FGFR1OP2: variants seen among roughly 807,000 people sequenced by gnomAD.
FGFR1OP2 encodes fibroblast growth factor receptor 1 oncogene partner 2.
In FGFR1OP2, 17 loss-of-function variants were observed where a neutral mutation model predicts 35.2. The observed-to-expected ratio is 0.48, with a 90% CI of 0.33 to 0.73. The LOEUF (loss-of-function observed/expected upper bound fraction) is 0.73. FGFR1OP2 is among the 30% of genes least tolerant of loss of function. The probability of loss-of-function intolerance (pLI) is 0.02; values close to 1 mark genes in which losing one functional copy is unlikely to be tolerated. For missense variants in FGFR1OP2, 251 were observed against 307.3 expected (o/e 0.82, Z 1.37); for synonymous variants, 105 against 104.6 (o/e 1.00, Z -0.03).
Position 26,952,988 on chromosome 12 carries a change from C to A in FGFR1OP2, c.-14-1157C>A, listed in dbSNP as rs533859554. 5.3e-5 allele frequency among the ~76,000 whole-genome samples: 8 copies of A among 152,072 alleles called. 1 individual carries two copies. The South Asian group carries it at 1.7e-3, about 32-fold the overall frequency. ...AGAAAGATAAAAGATTTCAGCTGGG[C>A]ACGGTGGCTCACACGTGTAATCCCA... is the stretch of plus-strand genomic sequence containing the variant. On this transcript the variant is annotated intron_variant, in intron 1 of 6. Transcript: ENST00000229395.
chr12:26,961,222 ACTT>A (rs1338082635), intron 5 of FGFR1OP2: 1 of 152,182 alleles, frequency 6.6e-6, no homozygotes, highest in African/African-American at 2.4e-5. Context: ...TGTTGGTGAC[ACTT>A]CTTGTCTTCC....
intron 1 of FGFR1OP2, among the ~76,000 whole-genome samples, chr12:26,948,908 C>T (rs1427949844): frequency 6.6e-6 from 1 of 152,054 alleles, no homozygotes; most frequent in East Asian, 1.9e-4. Flanking sequence ...GGCATGGTGG[C>T]ATGCACCTAT....
rs5797206 is a variant in FGFR1OP2 at position 26,956,479 on chromosome 12, C to CATATAT, written c.136-47_136-42dup. 5.2e-3 allele frequency: 1,265 copies of CATATAT among 241,986 alleles called. 5 individuals are homozygous for CATATAT. Among genetic ancestry groups the CATATAT allele is most frequent in the Admixed American group, 0.019 (312 of 16,344 alleles). The allele number at this position is 241,986 out of a possible 1,614,324, so 15.0% of individuals were successfully genotyped here. ...TTCAGATATATTTATATTTATATAT[C>CATATAT]ATATATATATATATATATATATTTG... is the stretch of plus-strand genomic sequence containing the variant. On this transcript the variant is annotated intron_variant, in intron 2 of 6. Transcript: ENST00000229395.
At chr12:26,940,385 G>C (rs924130117) in intron 1 of FGFR1OP2, among the ~76,000 whole-genome samples, 1 of 152,134 alleles carries the variant, frequency 6.6e-6, no homozygotes, top group Non-Finnish European at 1.5e-5. Context: ...TTCCAAACAT[G>C]TATTCATTCC....
intron 1 of FGFR1OP2, among the ~76,000 whole-genome samples, chr12:26,939,762 T>TA (rs1232539383): frequency 1.3e-5 from 2 of 152,248 alleles, no homozygotes; most frequent in Admixed American, 1.3e-4. Flanking sequence ...AATCATGTCT[T>TA]ACTCATCTCT....
At chr12:26,951,187 G>A (rs1353229412) in intron 1 of FGFR1OP2, among the ~76,000 whole-genome samples, 1 of 151,440 alleles carries the variant, frequency 6.6e-6, no homozygotes, top group African/African-American at 2.4e-5. Context: ...GCCTCACTCT[G>A]AGGCCCAGGC....
At chr12:26,959,767 T>A (rs1363376457) in intron 4 of FGFR1OP2, among the ~76,000 whole-genome samples, 2 of 152,178 alleles carry the variant, frequency 1.3e-5, no homozygotes, top group African/African-American at 4.8e-5. Context: ...TTAATGTTTG[T>A]GATTTTGATT....
At chr12:26,960,664 A>G (rs1592254142) in intron 5 of FGFR1OP2, 36 bp downstream of exon 5, 1 of 1,581,858 alleles carries the variant, frequency 6.3e-7, no homozygotes, top group African/African-American at 1.3e-5. Flanking sequence ...TGGGGTGTGG[A>G]TGGAAGGGGG....
At chr12:26,962,231 A>G (rs1481188572) in intron 5 of FGFR1OP2, 1 of 152,226 alleles carries the variant, frequency 6.6e-6, no homozygotes, top group African/African-American at 2.4e-5. Context: ...CTAGCAGTGT[A>G]TAGGTTTCCC....
chr12:26,943,063 G>C lies in FGFR1OP2; in HGVS notation c.-15+4353G>C, dbSNP rs117008822. Among the ~76,000 whole-genome samples, 859 of 152,194 alleles carry C rather than the reference G, an allele frequency of 5.6e-3. 5 individuals are homozygous for C. Among genetic ancestry groups the C allele is most frequent in the Non-Finnish European group, 9.8e-3 (668 of 68,000 alleles). ...ATTTTCTCTTATTTTTTTCCTGAAA[G>C]TGTTATTGTTTTTAATTTTATATTT... On this transcript the variant is annotated intron_variant, in intron 1 of 6. Coordinates refer to ENST00000229395, the MANE Select transcript of FGFR1OP2 (RefSeq NM_015633.3).
chr12:26,942,707 G>A (rs1274213129), intron 1 of FGFR1OP2, among the ~76,000 whole-genome samples: 1 of 152,166 alleles, frequency 6.6e-6, no homozygotes, highest in African/African-American at 2.4e-5. Flanking sequence ...TTTCTCTAAT[G>A]GCTAATGATG....
chr12:26,964,746 T>G lies in FGFR1OP2; in HGVS notation c.*13T>G. On this transcript the variant is annotated 3_prime_UTR_variant, in exon 7 of 7. Transcript: ENST00000229395. ...GAGGAAGAGCTGAAGAGTTTCTGAG[T>G]CTGTGAGCTTCTTACATGGCTCCAA... 1.2e-6 allele frequency: 2 copies of G among 1,605,188 alleles called. No homozygotes were observed.
intron 2 of FGFR1OP2, among the ~76,000 whole-genome samples, 199 bp downstream of exon 2, chr12:26,954,492 A>C (rs1938988486): frequency 6.6e-6 from 1 of 152,170 alleles, no homozygotes; most frequent in African/African-American, 2.4e-5. Flanking sequence ...CCTAGATTTG[A>C]TCACTTATTT....
intron 4 of FGFR1OP2, among the ~76,000 whole-genome samples, chr12:26,959,227 C>T (rs899197626): frequency 1.3e-5 from 2 of 151,910 alleles, no homozygotes; most frequent in African/African-American, 4.8e-5. Context: ...CTATTCATCT[C>T]CTAATCAAAT....
chr12:26,960,362 A>G (rs1460799415), intron 4 of FGFR1OP2, among the ~76,000 whole-genome samples, 153 bp from the exon 5 acceptor site: 1 of 152,198 alleles, frequency 6.6e-6, no homozygotes, highest in Non-Finnish European at 1.5e-5. Flanking sequence ...CCCAAATACT[A>G]ATTTTCATGT....
chr12:26,950,568 C>T (rs918435207), intron 1 of FGFR1OP2, among the ~76,000 whole-genome samples: 1 of 152,136 alleles, frequency 6.6e-6, no homozygotes, highest in East Asian at 1.9e-4. Flanking sequence ...AACCTCTTTT[C>T]TTTGCAGCAT....
At chr12:26,953,310 G>GAGCGTA (rs1555211695) in intron 1 of FGFR1OP2, among the ~76,000 whole-genome samples, 1 of 147,342 alleles carries the variant, frequency 6.8e-6, no homozygotes, top group East Asian at 2.0e-4. Context: ...AGATTTCAAG[G>GAGCGTA]AGGGTAAGTG....
At chr12:26,951,399 A>C (rs944557727) in intron 1 of FGFR1OP2, among the ~76,000 whole-genome samples, 2 of 152,202 alleles carry the variant, frequency 1.3e-5, no homozygotes, top group Non-Finnish European at 2.9e-5. Flanking sequence ...GGCTCACTAC[A>C]ACCTCTGCCT....
At chr12:26,951,807 C>T (rs550609854) in intron 1 of FGFR1OP2, among the ~76,000 whole-genome samples, 2 of 152,106 alleles carry the variant, frequency 1.3e-5, no homozygotes, top group African/African-American at 4.8e-5. Context: ...CAGATCCTGT[C>T]TATTGCATTT....
Sources: gnomAD v4.1 joint callset for allele counts (sites outside exome capture counted in the v4.1 genomes callset) on GRCh38, gnomAD v4.1.1 for gene constraint, MANE v1.5 for transcripts, NCBI Gene and HGNC (gene_info 2026-07-23, HGNC 2026-07-21) for gene names.